ADAMTSL3: variants seen among roughly 807,000 people sequenced by gnomAD.
The protein encoded by ADAMTSL3 is ADAMTS like 3, also known as ADAMTS-like protein 3.
ADAMTSL3 carries 128 observed loss-of-function variants against 201.7 expected under a neutral mutation model. The observed-to-expected ratio is 0.63, with a 90% confidence interval of 0.55 to 0.73. The LOEUF (loss-of-function observed/expected upper bound fraction) is 0.73. Among genes scored for constraint, ADAMTSL3 ranks in the 30% least tolerant of loss-of-function variants. The probability of loss-of-function intolerance (pLI) is 0.00; values close to 1 mark genes in which losing one functional copy is unlikely to be tolerated. For missense variants in ADAMTSL3, 1,990 were observed against 2,119.6 expected (o/e 0.94, Z 1.20); for synonymous variants, 738 against 748.4 (o/e 0.99, Z 0.23).
At chr15:83,743,062 T>G (rs2062481849) in intron 3 of ADAMTSL3, among the ~76,000 whole-genome samples, 2 of 152,194 alleles carry the variant, frequency 1.3e-5, no homozygotes, top group African/African-American at 4.8e-5. Context: ...AGTACTTACA[T>G]TCCTGTGTTA....
At chr15:83,789,190 C>G (rs1017883144) in intron 4 of ADAMTSL3, among the ~76,000 whole-genome samples, 1 of 152,180 alleles carries the variant, frequency 6.6e-6, no homozygotes, top group Non-Finnish European at 1.5e-5. Context: ...ATTTGCCCTG[C>G]CTTCCAGGAG....
chr15:83,907,488 C>T (rs1245740424), intron 15 of ADAMTSL3, among the ~76,000 whole-genome samples: 4 of 152,192 alleles, frequency 2.6e-5, no homozygotes, highest in African/African-American at 9.7e-5. Flanking sequence ...ACTTCAACAC[C>T]ACCTCCCGGC....
intron 21 of ADAMTSL3, 60 bp from the exon 22 acceptor site, chr15:83,988,631 T>C (rs2067525771): frequency 7.0e-7 from 1 of 1,423,116 alleles, no homozygotes; most frequent in African/African-American, 1.4e-5. Flanking sequence ...TGCAACTCAC[T>C]GTAGCCCTAG....
chr15:83,702,605 A>T (rs2061792454), intron 2 of ADAMTSL3, among the ~76,000 whole-genome samples: 1 of 152,124 alleles, frequency 6.6e-6, no homozygotes, highest in African/African-American at 2.4e-5. Context: ...GTGGCTTCAG[A>T]GGGTGGAAGC....
chr15:83,761,824 C>T (rs2062812369), intron 3 of ADAMTSL3, among the ~76,000 whole-genome samples: 1 of 152,130 alleles, frequency 6.6e-6, no homozygotes, highest in Non-Finnish European at 1.5e-5. Context: ...TCTCTTGCTA[C>T]AATCTGAGAG....
intron 19 of ADAMTSL3, among the ~76,000 whole-genome samples, chr15:83,952,180 T>A (rs1232605757): frequency 6.6e-6 from 1 of 152,156 alleles, no homozygotes; most frequent in Non-Finnish European, 1.5e-5. Context: ...TTTAAGAAAA[T>A]TTTCAATTTC....
In ADAMTSL3 at chr15:83,704,500, G is replaced by C. The variant is rs1316774229; in HGVS notation, c.181G>C (p.Asp61His). 1 of 1,614,166 alleles carries C rather than the reference G, an allele frequency of 6.2e-7. No homozygotes were observed. The highest frequency in any genetic ancestry group is 1.1e-5 in the South Asian group (1 of 91,084). Residue 61 changes from aspartate to histidine, a missense_variant, in exon 3 of 30, where the codon GAT becomes CAT. Asp to His is a moderately conservative substitution (Grantham distance 81, BLOSUM62 -1). Coordinates refer to ENST00000286744, the MANE Select transcript of ADAMTSL3 (RefSeq NM_207517.3). ...TGEQFLTYRY[D>H]DQTSRNTRSD... ...GGAGCAGTTCCTCACTTATCGCTAT[G>C]ATGACCAGGTAAGAACATTGGACAA...
intron 7 of ADAMTSL3, among the ~76,000 whole-genome samples, chr15:83,840,983 T>A (rs2064362693): frequency 6.6e-6 from 1 of 152,222 alleles, no homozygotes. Context: ...CATTGAGATG[T>A]TACATCCACA....
chr15:84,029,364 T>C (rs2068362615), intron 27 of ADAMTSL3, among the ~76,000 whole-genome samples: 1 of 152,214 alleles, frequency 6.6e-6, no homozygotes, highest in Admixed American at 6.5e-5. Context: ...CAAAGGTGAC[T>C]CTTGCTATGC....
chr15:83,912,451 G>A (rs2065951252), intron 15 of ADAMTSL3, among the ~76,000 whole-genome samples: 1 of 152,210 alleles, frequency 6.6e-6, no homozygotes, highest in Non-Finnish European at 1.5e-5. Context: ...TGACCTGCTA[G>A]TCATAGTTTG....
chr15:84,017,140 C>T (rs1311355618), intron 25 of ADAMTSL3, among the ~76,000 whole-genome samples: 2 of 152,140 alleles, frequency 1.3e-5, no homozygotes, highest in East Asian at 3.8e-4. Flanking sequence ...TTATTTGAGA[C>T]AGAATCTCGC....
In ADAMTSL3 at chr15:83,823,972, T is replaced by TCTCCTCCTC. The variant is rs1186674867; in HGVS notation, c.600+3937_600+3945dup. 4.3e-3 allele frequency among the ~76,000 whole-genome samples: 305 copies of TCTCCTCCTC among 71,212 alleles called. 39 individuals are homozygous for TCTCCTCCTC. The highest frequency in any genetic ancestry group is 0.01 in the African/African-American group (243 of 24,020). 46.7% of individuals were successfully genotyped at this position (71,212 alleles called of 152,430 possible). A position where few individuals can be genotyped will look rare whatever the true frequency, so the allele number is the denominator to read the frequency against. ...TTCTTCTTCTTCTTCTTCTTCTTCT[T>TCTCCTCCTC]CTCCTCCTCCTCCTCCTCCTTCTCC... On this transcript the variant is annotated intron_variant, in intron 6 of 29. Transcript: ENST00000286744.
chr15:83,823,128 T>C (rs2063922144), intron 6 of ADAMTSL3, among the ~76,000 whole-genome samples: 1 of 146,008 alleles, frequency 6.8e-6, no homozygotes, highest in Non-Finnish European at 1.5e-5. Context: ...GAGGTTGCAG[T>C]GAGCCGAGAT....
intron 6 of ADAMTSL3, among the ~76,000 whole-genome samples, chr15:83,820,368 G>A (rs190639680): frequency 1.2e-3 from 179 of 152,200 alleles, no homozygotes; most frequent in African/African-American, 3.6e-3. Context: ...ATGAGCCACC[G>A]CGCCGGGCCA....
rs551625660 is a variant in ADAMTSL3, at chr15:83,668,094, A to G, written c.69+12264A>G. Among the ~76,000 whole-genome samples the G allele has an allele frequency of 5.3e-5, 8 of 152,232 alleles. No individual in the cohort carries two copies. In the East Asian group the frequency reaches 1.6e-3, roughly 30 times the overall value. The stretch of plus-strand genomic sequence containing the variant: ...TCTTTATGCTGCTCTTCAGCTTGAA[A>G]CAACAAAAATAAGTGCCATGGAATA... On this transcript the variant is annotated intron_variant, in intron 2 of 29. Coordinates refer to ENST00000286744, the MANE Select transcript of ADAMTSL3 (RefSeq NM_207517.3).
chr15:84,007,542 G>A (rs565186258), intron 23 of ADAMTSL3, among the ~76,000 whole-genome samples: 1 of 148,354 alleles, frequency 6.7e-6, no homozygotes, highest in Non-Finnish European at 1.5e-5. Flanking sequence ...CTCCAGCCCA[G>A]TGAGACCCCA....
chr15:83,799,706 ACT>A (rs989893918), intron 4 of ADAMTSL3, among the ~76,000 whole-genome samples: 12 of 152,278 alleles, frequency 7.9e-5, no homozygotes, highest in African/African-American at 2.9e-4. Context: ...TGACTTCAAA[ACT>A]CTTCAATACA....
Position 84,016,472 on chromosome 15 carries a change from G to T in ADAMTSL3, c.4246G>T (p.Asp1416Tyr). 1 of 1,613,732 alleles carries T rather than the reference G, an allele frequency of 6.2e-7. No individual in the cohort carries two copies. The highest frequency in any genetic ancestry group is 1.1e-5 in the South Asian group (1 of 91,016). Residue 1416 changes from aspartate to tyrosine, a missense_variant, in exon 25 of 30, where the codon GAC becomes TAC. By Grantham distance (160) the Asp-to-Tyr change is radical. Transcript: ENST00000286744. ...QATNTRTNSN[D>Y]PTGEPPPQEP... The stretch of plus-strand genomic sequence containing the variant: ...AACCAACACTAGAACCAACAGCAAT[G>T]ACCCAACAGGAGAACCCCCGCCTCA...
At chr15:83,658,842 G>T (rs532853625) in intron 2 of ADAMTSL3, among the ~76,000 whole-genome samples, 4 of 152,172 alleles carry the variant, frequency 2.6e-5, no homozygotes, top group Non-Finnish European at 5.9e-5. Context: ...TGTTGACTGT[G>T]CCCTGAATTA....
Sources: allele counts gnomAD v4.1 joint callset (sites outside exome capture counted in the v4.1 genomes callset), GRCh38; gene constraint gnomAD v4.1.1; transcripts MANE v1.5; gene names NCBI Gene and HGNC (gene_info 2026-07-23, HGNC 2026-07-21).